ABI1: variants seen among roughly 807,000 people sequenced by gnomAD.
ABI1 encodes the protein abl interactor 1.
ABI1 carries 14 observed loss-of-function variants against 54.6 expected under a neutral mutation model. That is an observed-to-expected ratio of 0.26 (90% CI 0.17 to 0.40). ABI1 has a LOEUF of 0.40. Among genes scored for constraint, ABI1 ranks in the 10% least tolerant of loss-of-function variants. The probability of loss-of-function intolerance (pLI) is 1.00; values close to 1 mark genes in which losing one functional copy is unlikely to be tolerated. For synonymous variants in ABI1, 194 were observed against 209.3 expected, an observed-to-expected ratio of 0.93 and a Z score of 0.63; for missense variants, 443 against 598.3, an observed-to-expected ratio of 0.74 and a Z score of 2.71.
intron 1 of ABI1, among the ~76,000 whole-genome samples, chr10:26,824,521 T>C (rs1286612933): frequency 1.3e-5 from 2 of 151,848 alleles, no homozygotes; most frequent in Non-Finnish European, 2.9e-5. Flanking sequence ...CTCCACACAA[T>C]AGAGTATTAT....
rs570868988 is a variant in ABI1, at chr10:26,748,577, G to A, written c.1439C>T (p.Thr480Ile). 1.2e-6 allele frequency: 2 copies of A among 1,609,988 alleles called. No individual in the cohort carries two copies. The highest frequency in any genetic ancestry group is 1.7e-5 in the Admixed American group (1 of 59,674). ...TCAAAAGAAAAAAAAAAATTAATCA[G>A]TATAGTGCATGATTGATTCAACATA... ...GNYVESIMHY[T>I]D The change falls in exon 11 of 11, where the codon ACT (threonine) becomes ATT (isoleucine). Residue 480 changes from threonine (T) to isoleucine (I), a missense_variant. Transcript: ENST00000376140.
At chr10:26,833,704 T>C (rs2048836014) in intron 1 of ABI1, among the ~76,000 whole-genome samples, 1 of 150,056 alleles carries the variant, frequency 6.7e-6, no homozygotes, top group Non-Finnish European at 1.5e-5. Flanking sequence ...AGAATATAGC[T>C]TGGGCAAATA....
At chr10:26,777,555 T>C (rs1046543949) in intron 2 of ABI1, among the ~76,000 whole-genome samples, 1 of 152,000 alleles carries the variant, frequency 6.6e-6, no homozygotes, top group African/African-American at 2.4e-5. Context: ...GACAGGTGGA[T>C]TGCTTGAGTT....
chr10:26,781,851 G>A (rs866396411), intron 2 of ABI1, among the ~76,000 whole-genome samples: 2 of 152,146 alleles, frequency 1.3e-5, no homozygotes, highest in Non-Finnish European at 2.9e-5. Flanking sequence ...CAAGCTGCAC[G>A]GTTAAGACTG....
At chr10:26,749,572 G>A (rs1442805679) in intron 10 of ABI1, among the ~76,000 whole-genome samples, 2 of 152,152 alleles carry the variant, frequency 1.3e-5, no homozygotes, top group East Asian at 1.9e-4. Flanking sequence ...GACCCATCAC[G>A]TGAGGTCAGG....
At chr10:26,855,276 G>C (rs1288763252) in intron 1 of ABI1, among the ~76,000 whole-genome samples, 1 of 152,174 alleles carries the variant, frequency 6.6e-6, no homozygotes, top group Non-Finnish European at 1.5e-5. Flanking sequence ...GGAAACAATG[G>C]TAAAGAGTTG....
chr10:26,842,692 T>C (rs2049616158), intron 1 of ABI1, among the ~76,000 whole-genome samples: 1 of 152,150 alleles, frequency 6.6e-6, no homozygotes, highest in African/African-American at 2.4e-5. Flanking sequence ...TTTTACCATA[T>C]AATATAAAAG....
At chr10:26,775,785 A>G (rs1177592839) in intron 3 of ABI1, among the ~76,000 whole-genome samples, 2 of 152,178 alleles carry the variant, frequency 1.3e-5, no homozygotes, top group African/African-American at 2.4e-5. Flanking sequence ...TTTTTAATAA[A>G]TATGTATTGC....
Position 26,775,533 on chromosome 10 carries a change from T to C in ABI1, c.462+1532A>G, listed in dbSNP as rs190204823. ...CCCTGTGTCTAATGTATCCATATTATGGCTAGAAAGCAGATTTCCAAAATT... is the reference window on the plus strand; with the variant it reads ...CCCTGTGTCTAATGTATCCATATTACGGCTAGAAAGCAGATTTCCAAAATT... On this transcript the variant is annotated intron_variant, in intron 3 of 10. Transcript: ENST00000376140. 2.2e-3 allele frequency among the ~76,000 whole-genome samples: 336 copies of C among 152,174 alleles called. 2 individuals carry two copies. Among genetic ancestry groups the C allele is most frequent in the Non-Finnish European group, 3.4e-3 (228 of 67,988 alleles).
At chr10:26,775,484 TA>T (rs966696778) in intron 3 of ABI1, among the ~76,000 whole-genome samples, 12 of 147,746 alleles carry the variant, frequency 8.1e-5, no homozygotes, top group East Asian at 2.0e-4. Context: ...TAAAAAAATC[TA>T]AAAAAAAAAC....
chr10:26,811,680 A>G (rs976660194), intron 2 of ABI1, among the ~76,000 whole-genome samples: 1 of 152,102 alleles, frequency 6.6e-6, no homozygotes, highest in African/African-American at 2.4e-5. Context: ...CATCCTTTTA[A>G]AATTCCAATT....
In ABI1 at chr10:26,747,687, T is replaced by C. The variant is rs1004234523; in HGVS notation, c.*883A>G. 3.0e-5 allele frequency: 6 copies of C among 197,172 alleles called. No individual in the cohort carries two copies. Among genetic ancestry groups the C allele is most frequent in the African/African-American group, 6.9e-5 (3 of 43,254 alleles). The allele number at this position is 197,172 out of a possible 1,614,324, so 12.2% of individuals were successfully genotyped here. On this transcript the variant is annotated 3_prime_UTR_variant, in exon 11 of 11. Coordinates refer to ENST00000376140, the MANE Select transcript of ABI1 (RefSeq NM_001012750.3). ...TTATTTAAAAAAGGAATTCAGTAGA[T>C]TGACTTGTAAATAACCATTGCAGAT...
At chr10:26,850,718 T>G (rs934395432) in intron 1 of ABI1, among the ~76,000 whole-genome samples, 3 of 151,242 alleles carry the variant, frequency 2.0e-5, no homozygotes, top group African/African-American at 7.3e-5. Context: ...AGTGGGTGGT[T>G]GGTAGTGATA....
At chr10:26,831,932 T>G in intron 1 of ABI1, among the ~76,000 whole-genome samples, 1 of 152,204 alleles carries the variant, frequency 6.6e-6, no homozygotes, top group Non-Finnish European at 1.5e-5. Flanking sequence ...CCAACACCAA[T>G]TCTGCAAACG....
intron 2 of ABI1, among the ~76,000 whole-genome samples, chr10:26,779,459 A>C (rs1841839400): frequency 1.3e-5 from 2 of 152,336 alleles, no homozygotes; most frequent in African/African-American, 4.8e-5. Flanking sequence ...GAAATCTTCC[A>C]GACTAAGATT....
intron 6 of ABI1, among the ~76,000 whole-genome samples, chr10:26,768,248 T>G (rs917243669): frequency 2.6e-5 from 4 of 151,550 alleles, no homozygotes; most frequent in African/African-American, 9.7e-5. Context: ...AAAAGAGCAT[T>G]TTAAAACATT....
At chr10:26,810,541 T>C (rs957168791) in intron 2 of ABI1, among the ~76,000 whole-genome samples, 2 of 152,176 alleles carry the variant, frequency 1.3e-5, no homozygotes, top group Non-Finnish European at 2.9e-5. Context: ...AATCAGAGAG[T>C]ACATCTTTAA....
In ABI1 at chr10:26,789,215, T is replaced by C. The variant is rs950771872; in HGVS notation, c.286-11974A>G. ...TTAGAGGTAGGGGTATCAAAAGTAC[T>C]AACTAGAGAAAAGATAAAAACCCAA... On this transcript the variant is annotated intron_variant, in intron 2 of 10. Transcript: ENST00000376140. 3 of 152,062 alleles carry C rather than the reference T, an allele frequency of 2.0e-5. 1 individual carries two copies. Among genetic ancestry groups the C allele is most frequent in the African/African-American group, 7.2e-5 (3 of 41,390 alleles). 9.4% of individuals were successfully genotyped at this position (152,062 alleles called of 1,614,324 possible).
At chr10:26,753,068 G>A (rs766775863) in intron 9 of ABI1, among the ~76,000 whole-genome samples, 2 of 152,154 alleles carry the variant, frequency 1.3e-5, no homozygotes, top group Non-Finnish European at 1.5e-5. Flanking sequence ...GGAATAATGT[G>A]CTGAATATAC....
Sources: gnomAD v4.1 joint callset for allele counts (sites outside exome capture counted in the v4.1 genomes callset) on GRCh38, gnomAD v4.1.1 for gene constraint, MANE v1.5 for transcripts, NCBI Gene and HGNC (gene_info 2026-07-23, HGNC 2026-07-21) for gene names.